Variants in DLC1 observed in about 807,000 individuals in gnomAD.
DLC1 encodes DLC1 Rho GTPase activating protein, also known as rho GTPase-activating protein 7.
A neutral mutation model predicts 140.3 loss-of-function variants in DLC1; 54 were observed. That is an observed-to-expected ratio of 0.38 (90% CI 0.31 to 0.48). The LOEUF is 0.48. DLC1 is among the 20% of genes least tolerant of loss of function. The pLI is 0.96. For synonymous variants in DLC1, 986 were observed against 728.1 expected, an observed-to-expected ratio of 1.35 and a Z score of -5.70; for missense variants, 2,536 against 1,907.0, an observed-to-expected ratio of 1.33 and a Z score of -6.14.
chr8:13,455,034 C>G (rs1185217919), intron 2 of DLC1, among the ~76,000 whole-genome samples: 1 of 151,996 alleles, frequency 6.6e-6, no homozygotes, highest in Non-Finnish European at 1.5e-5. Flanking sequence ...GGTAGACTTG[C>G]AACAAATGTT....
chr8:13,484,529 A>C (rs13279275), intron 2 of DLC1, among the ~76,000 whole-genome samples: 22,958 of 152,116 alleles, frequency 0.15, 2,255 homozygotes, highest in Non-Finnish European at 0.23. Flanking sequence ...CTTTGCTTCA[A>C]AGTAAATTGG....
At chr8:13,412,481 C>T (rs942602664) in intron 2 of DLC1, among the ~76,000 whole-genome samples, 6 of 151,888 alleles carry the variant, frequency 4.0e-5, no homozygotes, top group Admixed American at 1.3e-4. Flanking sequence ...TTGCTAGTAG[C>T]CAAAGAACTG....
intron 2 of DLC1, among the ~76,000 whole-genome samples, chr8:13,467,054 C>T (rs929340902): frequency 3.8e-4 from 58 of 152,188 alleles, no homozygotes; most frequent in African/African-American, 1.3e-3. Flanking sequence ...TCATTGATTT[C>T]CTACACCAAT....
At chr8:13,409,065 G>A (rs939970367) in intron 2 of DLC1, among the ~76,000 whole-genome samples, 6 of 150,678 alleles carry the variant, frequency 4.0e-5, no homozygotes, top group Admixed American at 2.6e-4. Flanking sequence ...CTTTTCTACC[G>A]GCACTGTTGT....
intron 4 of DLC1, among the ~76,000 whole-genome samples, chr8:13,354,603 C>A (rs1426319094): frequency 6.6e-6 from 1 of 151,948 alleles, no homozygotes; most frequent in Admixed American, 6.6e-5. Flanking sequence ...TTCGGAATGC[C>A]ACTAATACTT....
At chr8:13,523,322 A>T (rs1802815746) in intron 1 of DLC1, among the ~76,000 whole-genome samples, 1 of 152,158 alleles carries the variant, frequency 6.6e-6, no homozygotes, top group Non-Finnish European at 1.5e-5. Context: ...AGAAAAGAAG[A>T]GTCAAAAATG....
chr8:13,466,709 T>G (rs7814098), intron 2 of DLC1, among the ~76,000 whole-genome samples: 123,468 of 152,082 alleles, frequency 0.81, 51,571 homozygotes, highest in Middle Eastern at 0.94. Flanking sequence ...AGGTAAAAAA[T>G]ATATCTCTTT....
chr8:13,601,438 G>C (rs2117500478), intron 1 of DLC1, among the ~76,000 whole-genome samples: 1 of 151,866 alleles, frequency 6.6e-6, no homozygotes, highest in South Asian at 2.1e-4. Context: ...GCAAGCCATA[G>C]TTCCCGGATT....
At chr8:13,304,811 T>G in intron 5 of DLC1, 1 of 970,196 alleles carries the variant, frequency 1.0e-6, no homozygotes, top group Non-Finnish European at 1.2e-6. Context: ...TACTATAATT[T>G]TTTTCTTCAA....
intron 2 of DLC1, among the ~76,000 whole-genome samples, chr8:13,425,473 C>T (rs1403438918): frequency 2.0e-5 from 3 of 152,152 alleles, no homozygotes; most frequent in African/African-American, 7.2e-5. Flanking sequence ...CTGACATCTT[C>T]AAGACTAATA....
chr8:13,201,606 T>A (rs1209427620), intron 5 of DLC1, among the ~76,000 whole-genome samples: 1 of 152,042 alleles, frequency 6.6e-6, no homozygotes, highest in African/African-American at 2.4e-5. Flanking sequence ...TAAGTACTAT[T>A]GCAATTTAAT....
chr8:13,245,827 T>C lies in DLC1; in HGVS notation c.1348+59442A>G, dbSNP rs546039970. ...GCGATTCTCTTGCCTCAGCCTCCCATGTAGCTGGGATTACAGGTGCCCACC... is the reference window on the plus strand; with the variant it reads ...GCGATTCTCTTGCCTCAGCCTCCCACGTAGCTGGGATTACAGGTGCCCACC... On this transcript the variant is annotated intron_variant, in intron 5 of 17. Coordinates refer to ENST00000276297, the MANE Select transcript of DLC1 (RefSeq NM_182643.3). 4.6e-5 allele frequency among the ~76,000 whole-genome samples: 7 copies of C among 152,062 alleles called. No individual in the cohort carries two copies. The East Asian group carries it at 9.7e-4, about 21-fold the overall frequency.
intron 5 of DLC1, among the ~76,000 whole-genome samples, chr8:13,247,575 C>T (rs1829819118): frequency 1.3e-5 from 2 of 152,124 alleles, no homozygotes; most frequent in Non-Finnish European, 2.9e-5. Flanking sequence ...CCCATAATTC[C>T]CTACATTCTA....
chr8:13,270,578 G>A (rs149012065), intron 5 of DLC1, among the ~76,000 whole-genome samples: 260 of 152,232 alleles, frequency 1.7e-3, no homozygotes, highest in African/African-American at 5.9e-3. Flanking sequence ...TGCAAGAACC[G>A]ATTCCCTCAT....
intron 5 of DLC1, among the ~76,000 whole-genome samples, chr8:13,197,899 A>C (rs1393334497): frequency 6.6e-6 from 1 of 152,028 alleles, no homozygotes; most frequent in Non-Finnish European, 1.5e-5. Flanking sequence ...TTTTTGCCTG[A>C]TCTTGGCTTT....
Position 13,099,645 on chromosome 8 carries a change from C to G in DLC1, c.2692G>C (p.Glu898Gln). 1.2e-6 allele frequency: 2 copies of G among 1,614,168 alleles called. No homozygotes were observed. Among genetic ancestry groups the G allele is most frequent in the Non-Finnish European group, 1.7e-6 (2 of 1,180,018 alleles). ...YSSSGDLADL[E>Q]NEDIFPELDD... is the part of the protein sequence containing the mutation. ...AGCTCGGGGAAGATGTCCTCGTTCT[C>G]CAGATCCGCCAGGTCCCCTGAACTG... Residue 898 changes from glutamate to glutamine, a missense_variant, in exon 9 of 18, where the codon GAG becomes CAG. Physicochemically the swap from Glu to Gln is conservative, Grantham distance 29. Transcript: ENST00000276297.
Position 13,315,346 on chromosome 8 carries a change from GC to G in DLC1, c.1315-10045del, listed in dbSNP as rs765450174. Among the ~76,000 whole-genome samples the G allele has an allele frequency of 1.1e-3, 170 of 152,270 alleles. 1 individual carries two copies. The highest frequency in any genetic ancestry group is 9.6e-4 in the Non-Finnish European group (65 of 68,032). On this transcript the variant is annotated intron_variant, in intron 4 of 17. Coordinates refer to ENST00000276297, the MANE Select transcript of DLC1 (RefSeq NM_182643.3). The stretch of plus-strand genomic sequence containing the variant: ...GAATCAGGATGATAATCAAATAATA[GC>G]CAAACATTTGGTGCTTTCAAAGTGG...
intron 2 of DLC1, among the ~76,000 whole-genome samples, chr8:13,455,977 T>G (rs527960635): frequency 9.8e-5 from 15 of 152,334 alleles, no homozygotes; most frequent in African/African-American, 3.6e-4. Flanking sequence ...TTGTGTTAAT[T>G]TTGTTGATTC....
intron 4 of DLC1, among the ~76,000 whole-genome samples, chr8:13,328,677 A>C (rs1833468582): frequency 6.6e-6 from 1 of 152,056 alleles, no homozygotes; most frequent in African/African-American, 2.4e-5. Context: ...TTATATTTTG[A>C]GACTTTGACA....
Sources: gnomAD v4.1 joint callset for allele counts (sites outside exome capture counted in the v4.1 genomes callset) on GRCh38, gnomAD v4.1.1 for gene constraint, MANE v1.5 for transcripts, NCBI Gene and HGNC (gene_info 2026-07-23, HGNC 2026-07-21) for gene names.